Variants in CD5 observed in about 807,000 individuals in gnomAD.
CD5 encodes CD5 molecule, also known as T-cell surface glycoprotein CD5.
CD5 carries 36 observed loss-of-function variants against 60.3 expected under a neutral mutation model. The observed-to-expected ratio is 0.60, with a 90% CI of 0.46 to 0.79. The LOEUF (loss-of-function observed/expected upper bound fraction) is 0.79, where lower values mean the gene tolerates loss of function less well. Among genes scored for constraint, CD5 ranks in the 30% least tolerant of loss-of-function variants. The probability of loss-of-function intolerance (pLI) is 0.00; values close to 1 mark genes in which losing one functional copy is unlikely to be tolerated. For synonymous variants in CD5, 230 were observed against 257.6 expected, an observed-to-expected ratio of 0.89 and a Z score of 1.03; for missense variants, 540 against 630.6, an observed-to-expected ratio of 0.86 and a Z score of 1.54.
At chr11:61,119,631 C>G in intron 5 of CD5, 56 bp downstream of exon 5, 1 of 1,240,996 alleles carries the variant, frequency 8.1e-7, no homozygotes, top group East Asian at 2.4e-5. Flanking sequence ...GGTGGGGTCA[C>G]AGAGCATCCC....
chr11:61,095,877 A>G, the CD5 span, among the ~76,000 whole-genome samples: 1 of 152,260 alleles, frequency 6.6e-6, no homozygotes, highest in African/African-American at 2.4e-5. Context: ...GAATCAGCCC[A>G]TGATTAACAT....
chr11:61,119,547 T>C lies in CD5; in HGVS notation c.777T>C (p.Ser259=). The C allele has an allele frequency of 6.2e-7, 1 of 1,612,754 alleles. No homozygotes were observed. The highest frequency in any genetic ancestry group is 8.5e-7 in the Non-Finnish European group (1 of 1,179,742). The change falls in exon 5 of 11, where the codon AGT becomes AGC. Residue 259 remains serine, a synonymous_variant. Transcript: ENST00000347785. ...TCAGGAAAATCAAGCCCCAGAAAAG[T>C]GGCCGAGTTCTTGCCCTCCTTTGCT... ...HCFRKIKPQK[S]GRVLALLCSG...
chr11:61,097,533 T>C (rs1860601770), upstream of CD5, among the ~76,000 whole-genome samples: 1 of 152,124 alleles, frequency 6.6e-6, no homozygotes, highest in Non-Finnish European at 1.5e-5. Context: ...CCACCAGGAC[T>C]GGACAGCCCC....
In CD5 at chr11:61,102,596, G is replaced by A. The variant is rs1860711416; in HGVS notation, c.36G>A (p.Leu12=). The change falls in exon 1 of 11, where the codon TTG becomes TTA. Residue 12 remains leucine (L), a synonymous_variant. Transcript: ENST00000347785. The part of the protein sequence containing the change: ...PMGSLQPLAT[L]YLLGMLVASC... ...GGTCTCTGCAACCGCTGGCCACCTT[G>A]TACCTGCTGGGGATGCTGGGTGAGT... 6.3e-7 allele frequency: 1 copy of A among 1,592,862 alleles called. No homozygotes were observed. Among genetic ancestry groups the A allele is most frequent in the Non-Finnish European group, 8.6e-7 (1 of 1,169,184 alleles).
intron 2 of CD5, among the ~76,000 whole-genome samples, chr11:61,115,353 G>A (rs1039297750): frequency 1.3e-5 from 2 of 152,086 alleles, no homozygotes; most frequent in Non-Finnish European, 2.9e-5. Flanking sequence ...ATTATGACCC[G>A]CTCACCATGC....
chr11:61,119,501 G>C lies in CD5; in HGVS notation c.731G>C (p.Cys244Ser), dbSNP rs1261010045. 2 of 1,614,014 alleles carry C rather than the reference G, an allele frequency of 1.2e-6. No homozygotes were observed. The highest frequency in any genetic ancestry group is 1.7e-6 in the Non-Finnish European group (2 of 1,180,038). The change falls in exon 5 of 11, where the codon TGT becomes TCT. Residue 244 changes from cysteine to serine, a missense_variant. Transcript: ENST00000347785. The part of the protein sequence containing the change: ...PIQWKIQNSS[C>S]TSLEHCFRKI... ...CAATGGAAGATCCAGAACTCAAGCT[G>C]TACCTCCCTGGAGCATTGCTTCAGG...
In CD5 at chr11:61,119,248, C is replaced by T. The variant is rs748730558; in HGVS notation, c.478C>T (p.Gln160Ter). Residue 160 changes from glutamine (Q) to a stop codon, truncating the protein, a stop_gained, in exon 5 of 11, where the codon CAG (glutamine) becomes TAG (stop). Coordinates refer to ENST00000347785, the MANE Select transcript of CD5 (RefSeq NM_014207.4). LOFTEE classifies it high-confidence loss of function. ...TPEPTAPPRL[Q>*]LVAQSGGQHC... ...TCCTCTCCTAGCTCCTCCCAGGCTG[C>T]AGCTGGTGGCACAGTCTGGCGGCCA... 1.2e-6 allele frequency: 2 copies of T among 1,601,910 alleles called. No homozygotes were observed. Among genetic ancestry groups the T allele is most frequent in the South Asian group, 2.2e-5 (2 of 89,786 alleles).
At chr11:61,117,165 C>T (rs921084391) in intron 2 of CD5, among the ~76,000 whole-genome samples, 6 of 152,218 alleles carry the variant, frequency 3.9e-5, no homozygotes, top group South Asian at 2.1e-4. Context: ...ACTACTTATG[C>T]GTCCAGTGAC....
chr11:61,114,886 T>C (rs908052655), intron 1 of CD5, among the ~76,000 whole-genome samples, 170 bp from the exon 2 acceptor site: 9 of 152,092 alleles, frequency 5.9e-5, no homozygotes, highest in African/African-American at 2.2e-4. Context: ...ATAGAATTCA[T>C]ATCACTCAGG....
upstream of CD5, among the ~76,000 whole-genome samples, chr11:61,102,108 G>A (rs1161775934): frequency 3.9e-5 from 6 of 152,214 alleles, no homozygotes; most frequent in Non-Finnish European, 7.3e-5. Flanking sequence ...AACAAGAACT[G>A]GCATCATGCT....
chr11:61,113,654 C>T (rs1374604606), intron 1 of CD5, among the ~76,000 whole-genome samples: 1 of 152,046 alleles, frequency 6.6e-6, no homozygotes, highest in Non-Finnish European at 1.5e-5. Context: ...CCCTTTCTTG[C>T]TCATTTCTTT....
upstream of CD5, chr11:61,102,288 C>T (rs1001745478): frequency 9.6e-6 from 5 of 520,882 alleles, no homozygotes; most frequent in African/African-American, 3.9e-5. Context: ...TGGGGGTGGC[C>T]GAGAGCACTG....
At position 61,118,506 on chromosome 11, in the gene CD5, C is replaced by A. The variant is rs534343338; in HGVS notation, c.400+26C>A. The A allele has an allele frequency of 1.2e-6, 2 of 1,603,638 alleles. No individual in the cohort carries two copies. The highest frequency in any genetic ancestry group is 1.7e-6 in the Non-Finnish European group (2 of 1,173,442). On this transcript the variant is annotated intron_variant, in intron 3 of 10. Coordinates refer to ENST00000347785, the MANE Select transcript of CD5 (RefSeq NM_014207.4). This position sits in a 1 kb window ranked among gnomAD's most constrained non-coding sequence, Gnocchi z 4.7. Reference sequence around the variant, plus strand: ...GTGGGTAACTAGCCAGCCACACGGGCACCCTGGGCCTGGGCGCCAGCCCCG... The same window carrying A: ...GTGGGTAACTAGCCAGCCACACGGGAACCCTGGGCCTGGGCGCCAGCCCCG...
upstream of CD5, among the ~76,000 whole-genome samples, chr11:61,100,487 C>A (rs1860654483): frequency 6.8e-6 from 1 of 148,054 alleles, no homozygotes; most frequent in South Asian, 2.2e-4. Context: ...AGATTACACA[C>A]ACAACATGGA....
chr11:61,097,545 A>G (rs1221825121), upstream of CD5, among the ~76,000 whole-genome samples: 1 of 152,128 alleles, frequency 6.6e-6, no homozygotes, highest in Non-Finnish European at 1.5e-5. Flanking sequence ...GACAGCCCCC[A>G]CTGGATTATA....
Position 61,119,452 on chromosome 11 carries a change from C to T in CD5, c.682C>T (p.Arg228Trp), listed in dbSNP as rs372299142. 50 of 1,614,044 alleles carry T rather than the reference C, an allele frequency of 3.1e-5. No homozygotes were observed. Among genetic ancestry groups the T allele is most frequent in the Non-Finnish European group, 3.7e-5 (44 of 1,180,030 alleles). Residue 228 changes from arginine (R) to tryptophan (W), a missense_variant, in exon 5 of 11, where the codon CGG becomes TGG. Coordinates refer to ENST00000347785, the MANE Select transcript of CD5 (RefSeq NM_014207.4). ...AGRAQDPGEP[R>W]EHQPLPIQWK... is the part of the protein sequence containing the mutation. Reference sequence around the variant, plus strand: ...CAGAGCCCAAGACCCAGGGGAGCCACGGGAACACCAGCCCTTGCCAATCCA... The same window carrying T: ...CAGAGCCCAAGACCCAGGGGAGCCATGGGAACACCAGCCCTTGCCAATCCA...
At chr11:61,102,432 G>A (rs886832138), upstream of CD5, 8 of 639,136 alleles carry the variant, frequency 1.3e-5, no homozygotes, top group East Asian at 2.3e-4. Flanking sequence ...CACACTGCCT[G>A]CTCCCCGTCC....
intron 1 of CD5, among the ~76,000 whole-genome samples, chr11:61,114,595 C>T (rs1466965538): frequency 6.6e-6 from 1 of 152,036 alleles, no homozygotes; most frequent in Non-Finnish European, 1.5e-5. Flanking sequence ...GAGCTGTGAT[C>T]ATGCCACTGC....
the CD5 span, among the ~76,000 whole-genome samples, chr11:61,093,992 AC>A: frequency 6.6e-6 from 1 of 151,524 alleles, no homozygotes; most frequent in Non-Finnish European, 1.5e-5. Context: ...GGCTGAATAA[AC>A]CCCTTCCTTC....
Sources: allele counts gnomAD v4.1 joint callset (sites outside exome capture counted in the v4.1 genomes callset), GRCh38; gene constraint gnomAD v4.1.1; non-coding constraint Gnocchi (gnomAD v3.1); transcripts MANE v1.5; gene names NCBI Gene and HGNC (gene_info 2026-07-23, HGNC 2026-07-21).